PLPPR4: variants seen among roughly 807,000 people sequenced by gnomAD.
PLPPR4 encodes phospholipid phosphatase-related protein type 4.
Under a neutral mutation model 56.6 loss-of-function variants are expected in PLPPR4, and 24 were observed. That is an observed-to-expected ratio of 0.42 (90% CI 0.31 to 0.60). The LOEUF (loss-of-function observed/expected upper bound fraction) is 0.60. Among genes scored for constraint, PLPPR4 ranks in the 20% least tolerant of loss-of-function variants. The pLI is 0.13. For missense variants in PLPPR4, 654 were observed against 885.8 expected (o/e 0.74, Z 3.32); for synonymous variants, 326 against 328.1 (o/e 0.99, Z 0.07).
intron 2 of PLPPR4, among the ~76,000 whole-genome samples, chr1:99,294,180 T>C (rs921035124): frequency 2.6e-5 from 4 of 152,052 alleles, no homozygotes; most frequent in Non-Finnish European, 5.9e-5. Context: ...GACCTATCTT[T>C]ATGCCAAATT....
chr1:99,279,399 C>A (rs1485371195), intron 1 of PLPPR4, among the ~76,000 whole-genome samples: 1 of 152,136 alleles, frequency 6.6e-6, no homozygotes, highest in Non-Finnish European at 1.5e-5. Context: ...AAAATAAAAG[C>A]AGACCATATC....
intron 2 of PLPPR4, among the ~76,000 whole-genome samples, chr1:99,295,639 T>G (rs1429799051): frequency 6.6e-6 from 1 of 152,338 alleles, no homozygotes; most frequent in East Asian, 1.9e-4. Context: ...TCTCAAATAT[T>G]TGAAAGACTT....
At chr1:99,269,997 TTGTGTGTGTGTGTGTGTGTG>T (rs10612152) in intron 1 of PLPPR4, among the ~76,000 whole-genome samples, 9 of 134,474 alleles carry the variant, frequency 6.7e-5, no homozygotes, top group Admixed American at 1.5e-4. Context: ...TTCATTCCTT[TTGTGTGTGTGTGTGTGTGTG>T]TGTGTGTGTG....
chr1:99,268,642 C>T (rs558826346), intron 1 of PLPPR4, among the ~76,000 whole-genome samples: 39 of 152,138 alleles, frequency 2.6e-4, no homozygotes, highest in Non-Finnish European at 4.6e-4. Flanking sequence ...TTGAAAAATA[C>T]GATGATTTTT....
At chr1:99,287,912 A>G in intron 1 of PLPPR4, 53 bp from the exon 2 acceptor site, 1 of 1,407,708 alleles carries the variant, frequency 7.1e-7, no homozygotes, top group Non-Finnish European at 9.9e-7. Flanking sequence ...TTTTCTATGT[A>G]TGCCCTGTAT....
intron 1 of PLPPR4, among the ~76,000 whole-genome samples, chr1:99,265,614 A>G (rs1390679251): frequency 2.0e-5 from 3 of 152,220 alleles, no homozygotes; most frequent in Non-Finnish European, 2.9e-5. Flanking sequence ...GCACAAAACT[A>G]TATTCTGTTT....
intron 6 of PLPPR4, among the ~76,000 whole-genome samples, chr1:99,305,374 GA>G (rs1244973449): frequency 1.3e-5 from 2 of 151,920 alleles, no homozygotes; most frequent in Admixed American, 6.6e-5. Context: ...TTGAAAAGCA[GA>G]AAAAAAGTCC....
chr1:99,278,866 C>T (rs1406207063), intron 1 of PLPPR4, among the ~76,000 whole-genome samples: 1 of 152,126 alleles, frequency 6.6e-6, no homozygotes, highest in Non-Finnish European at 1.5e-5. Flanking sequence ...CAACCTAATA[C>T]ATCTATTAGG....
intron 1 of PLPPR4, among the ~76,000 whole-genome samples, chr1:99,275,655 C>T (rs978675479): frequency 9.9e-5 from 15 of 152,130 alleles, no homozygotes; most frequent in African/African-American, 3.4e-4. Flanking sequence ...GCTAGTGGTT[C>T]TTTCAGTCCT....
In PLPPR4 at chr1:99,306,783, A is replaced by C. The variant is rs1279393405; in HGVS notation, c.1921A>C (p.Asn641His). The C allele has an allele frequency of 6.2e-7, 1 of 1,613,948 alleles. No individual in the cohort carries two copies. The highest frequency in any genetic ancestry group is 8.5e-7 in the Non-Finnish European group (1 of 1,180,006). The change falls in exon 7 of 7, where the codon AAC becomes CAC. Residue 641 changes from asparagine (N) to histidine (H), a missense_variant. Physicochemically the swap from Asn to His is moderately conservative, Grantham distance 68. Around this residue, in one of 2 missense-constraint regions of PLPPR4, gnomAD observed 468 missense variants for 554.3 expected, o/e 0.84. Coordinates refer to ENST00000370185, the MANE Select transcript of PLPPR4 (RefSeq NM_014839.5). This position sits in a 1 kb window ranked among gnomAD's most constrained non-coding sequence, Gnocchi z 4.0. ...TGGTTCTGGAGATCGCAAGAGAAGC[A>C]ACATTGATAGCAATGAGCATCACCA... Reference protein sequence around the residue: ...SFGSGDRKRSNIDSNEHHHHG... With the variant: ...SFGSGDRKRSHIDSNEHHHHG...
In PLPPR4 at chr1:99,306,362, C is replaced by G; in HGVS notation, c.1500C>G (p.Pro500=). 6.2e-7 allele frequency: 1 copy of G among 1,614,150 alleles called. No homozygotes were observed. The highest frequency in any genetic ancestry group is 8.5e-7 in the Non-Finnish European group (1 of 1,180,024). The part of the protein sequence containing the change: ...EETQENISTS[P]KSSSARAKWL... ...CTCAGGAAAACATAAGCACCTCCCC[C>G]AAAAGCAGCTCTGCTCGGGCCAAGT... Residue 500 remains proline (P), a synonymous_variant, in exon 7 of 7, where the codon CCC becomes CCG. Transcript: ENST00000370185. The surrounding 1 kb of genome is among the most constrained non-coding windows in gnomAD (Gnocchi z 4.0).
chr1:99,264,988 C>T (rs116742161), intron 1 of PLPPR4, among the ~76,000 whole-genome samples: 1,844 of 152,314 alleles, frequency 0.012, 16 homozygotes, highest in Non-Finnish European at 0.019. Flanking sequence ...TCCGCTAGTG[C>T]CCCAGAGGGG....
Position 99,309,035 on chromosome 1 carries a change from G to T in PLPPR4, c.*2025G>T, listed in dbSNP as rs1026877653. 1.3e-5 allele frequency: 2 copies of T among 151,886 alleles called. No homozygotes were observed. The highest frequency in any genetic ancestry group is 2.4e-5 in the African/African-American group (1 of 41,236). The allele number at this position is 151,886 out of a possible 1,614,324, so 9.4% of individuals were successfully genotyped here. On this transcript the variant is annotated 3_prime_UTR_variant, in exon 7 of 7. Coordinates refer to ENST00000370185, the MANE Select transcript of PLPPR4 (RefSeq NM_014839.5). ...TTAAAGTACTTCTCTAGTCATTGAAGTTTTTTTTTCTTTACATAAATATTG... is the reference window on the plus strand; with the variant it reads ...TTAAAGTACTTCTCTAGTCATTGAATTTTTTTTTTCTTTACATAAATATTG...
chr1:99,281,258 T>A (rs560714765), intron 1 of PLPPR4, among the ~76,000 whole-genome samples: 1 of 152,324 alleles, frequency 6.6e-6, no homozygotes, highest in South Asian at 2.1e-4. Context: ...AACTGGATTC[T>A]CCTGCTTCTG....
intron 1 of PLPPR4, among the ~76,000 whole-genome samples, chr1:99,275,335 A>T (rs1473932569): frequency 6.6e-6 from 1 of 152,180 alleles, no homozygotes; most frequent in East Asian, 1.9e-4. Context: ...ATGGTGTTAC[A>T]TCTTTCAATA....
chr1:99,275,222 A>G (rs756761569), intron 1 of PLPPR4, among the ~76,000 whole-genome samples: 1 of 152,162 alleles, frequency 6.6e-6, no homozygotes, highest in Non-Finnish European at 1.5e-5. Flanking sequence ...GTTATAAACA[A>G]TATACTATAG....
At chr1:99,269,717 T>C (rs1659001529) in intron 1 of PLPPR4, among the ~76,000 whole-genome samples, 1 of 152,228 alleles carries the variant, frequency 6.6e-6, no homozygotes, top group Admixed American at 6.5e-5. Flanking sequence ...GATGCTAATT[T>C]TATGAAGGCA....
intron 1 of PLPPR4, among the ~76,000 whole-genome samples, chr1:99,287,580 C>A (rs951261231): frequency 5.3e-5 from 8 of 152,126 alleles, no homozygotes; most frequent in Non-Finnish European, 7.3e-5. Flanking sequence ...TAATAATTGC[C>A]ATTCTGACTG....
Position 99,301,866 on chromosome 1 carries a change from T to C in PLPPR4, c.791T>C (p.Phe264Ser). 1.9e-6 allele frequency: 3 copies of C among 1,611,388 alleles called. No individual in the cohort carries two copies. Among genetic ancestry groups the C allele is most frequent in the Non-Finnish European group, 2.5e-6 (3 of 1,178,282 alleles). The change falls in exon 6 of 7, where the codon TTT (phenylalanine) becomes TCT (serine). Residue 264 changes from phenylalanine to serine, a missense_variant. Coordinates refer to ENST00000370185, the MANE Select transcript of PLPPR4 (RefSeq NM_014839.5). ...KNHPVDVYCG[F>S]LIGGGIALYL... ...CACCCAGTTGATGTCTATTGTGGCT[T>C]TTTAATAGGAGGAGGAATTGCACTG...
Sources: allele counts gnomAD v4.1 joint callset (sites outside exome capture counted in the v4.1 genomes callset), GRCh38; gene constraint gnomAD v4.1.1; regional missense constraint gnomAD v4.1.1; non-coding constraint Gnocchi (gnomAD v3.1); transcripts MANE v1.5; gene names NCBI Gene and HGNC (gene_info 2026-07-23, HGNC 2026-07-21).